Variants in TTC3 observed in about 807,000 individuals in gnomAD.
The protein encoded by TTC3 is tetratricopeptide repeat domain 3.
TTC3 carries 180 observed loss-of-function variants against 249.6 expected under a neutral mutation model. That is an observed-to-expected ratio of 0.72 (90% confidence interval 0.64 to 0.82). The LOEUF is 0.82. Among genes scored for constraint, TTC3 ranks in the 40% least tolerant of loss-of-function variants. The pLI, the probability that TTC3 is intolerant of heterozygous loss-of-function variation, is 0.00. For missense variants in TTC3, 2,061 were observed against 2,398.4 expected (o/e 0.86, Z 2.94); for synonymous variants, 717 against 805.0 (o/e 0.89, Z 1.85).
intron 35 of TTC3, among the ~76,000 whole-genome samples, chr21:37,181,105 C>G (rs944013484): frequency 1.3e-5 from 2 of 152,182 alleles, no homozygotes; most frequent in Admixed American, 1.3e-4. Context: ...TGATAGCTGA[C>G]CTGTTTAGCA....
At chr21:37,199,124 C>T (rs182959896) in intron 44 of TTC3, among the ~76,000 whole-genome samples, 322 of 152,284 alleles carry the variant, frequency 2.1e-3, no homozygotes, top group Non-Finnish European at 3.7e-3. Flanking sequence ...TGGGCCGAGT[C>T]ATGCCTTGGG....
At chr21:37,154,295 T>C (rs1341450594) in intron 27 of TTC3, among the ~76,000 whole-genome samples, 1 of 152,224 alleles carries the variant, frequency 6.6e-6, no homozygotes, top group Non-Finnish European at 1.5e-5. Flanking sequence ...TCTGAATGTT[T>C]AGAAACGTGG....
At chr21:37,176,139 A>C (rs750880056) in intron 35 of TTC3, among the ~76,000 whole-genome samples, 3 of 152,212 alleles carry the variant, frequency 2.0e-5, no homozygotes, top group African/African-American at 7.2e-5. Context: ...ATTGTACCCT[A>C]ACCTATGACT....
At chr21:37,136,251 C>T (rs1240636662) in intron 18 of TTC3, among the ~76,000 whole-genome samples, 3 of 152,084 alleles carry the variant, frequency 2.0e-5, no homozygotes, top group East Asian at 3.9e-4. Context: ...AAGAGTTGCA[C>T]GTCTCTCACT....
In TTC3 at chr21:37,197,715, C is replaced by A. The variant is rs762282070; in HGVS notation, c.5706+19C>A. 9.7e-6 allele frequency: 15 copies of A among 1,552,362 alleles called. No homozygotes were observed. The South Asian group carries it at 1.8e-4, about 19-fold the overall frequency. On this transcript the variant is annotated intron_variant, in intron 43 of 45. Transcript: ENST00000355666. ...GAAAAAGGTATTTTATCTAGATGTT[C>A]CAGTTTATCCTTATTTATTTATAAA...
At chr21:37,176,601 T>A (rs1156524041) in intron 35 of TTC3, among the ~76,000 whole-genome samples, 4 of 152,236 alleles carry the variant, frequency 2.6e-5, no homozygotes, top group Non-Finnish European at 5.9e-5. Flanking sequence ...TCATGGGTCC[T>A]TGTCAAGTTC....
chr21:37,094,274 A>G (rs1010593568), intron 8 of TTC3, among the ~76,000 whole-genome samples, 184 bp downstream of exon 8: 13 of 152,206 alleles, frequency 8.5e-5, no homozygotes, highest in African/African-American at 3.1e-4. Context: ...TGAAAGTGAA[A>G]ATTTGGTTTT....
chr21:37,123,134 T>A, intron 13 of TTC3, 106 bp downstream of exon 13: 1 of 1,182,042 alleles, frequency 8.5e-7, no homozygotes, highest in Non-Finnish European at 1.3e-6. Flanking sequence ...GCAACCACAG[T>A]AAAGTTGGAG....
At chr21:37,201,515 CCTT>C (rs769095729) in exon 46 of TTC3, 25 of 1,614,012 alleles carry the variant, frequency 1.5e-5, no homozygotes, top group Non-Finnish European at 2.1e-5. Flanking sequence ...AGAAGAGTCA[CCTT>C]CTGGAAGAGG....
At chr21:37,142,973 C>A (rs1007854457) in intron 20 of TTC3, among the ~76,000 whole-genome samples, 3 of 152,174 alleles carry the variant, frequency 2.0e-5, no homozygotes, top group Non-Finnish European at 4.4e-5. Flanking sequence ...TTTGACAAAC[C>A]TGACAAAAAC....
chr21:37,077,556 C>T (rs2071070784), intron 1 of TTC3, among the ~76,000 whole-genome samples: 1 of 152,168 alleles, frequency 6.6e-6, no homozygotes, highest in Admixed American at 6.5e-5. Flanking sequence ...CTTTGATCAA[C>T]AGTGTGTAAG....
At chr21:37,149,741 C>T (rs1315223917) in intron 23 of TTC3, among the ~76,000 whole-genome samples, 2 of 152,116 alleles carry the variant, frequency 1.3e-5, no homozygotes, top group East Asian at 3.9e-4. Context: ...GAAGAATGAC[C>T]CTTTTCTGGA....
At chr21:37,095,172 G>C (rs1458901062) in intron 8 of TTC3, among the ~76,000 whole-genome samples, 178 bp from the exon 9 acceptor site, 1 of 88,728 alleles carries the variant, frequency 1.1e-5, no homozygotes, top group African/African-American at 3.3e-5. Context: ...TGTATAGTGG[G>C]TGTGTATATA....
chr21:37,159,461 C>T (rs1340145070), intron 28 of TTC3: 2 of 497,380 alleles, frequency 4.0e-6, no homozygotes, highest in African/African-American at 2.0e-5. Flanking sequence ...TAGATGGTAC[C>T]TAGAAGGCAC....
intron 39 of TTC3, 91 bp from the exon 40 acceptor site, chr21:37,191,243 G>A: frequency 1.2e-6 from 1 of 844,146 alleles, no homozygotes; most frequent in Non-Finnish European, 1.8e-6. Flanking sequence ...TATGTTAAAT[G>A]TCTCTTTTGC....
At chr21:37,108,577 G>C in intron 11 of TTC3, 131 bp downstream of exon 11, 26 of 848,650 alleles carry the variant, frequency 3.1e-5, no homozygotes, top group Non-Finnish European at 3.4e-5. Context: ...TGAAAGGGGA[G>C]TCATCAGATC....
At chr21:37,140,720 TA>T (rs750979636) in intron 20 of TTC3, 47 bp downstream of exon 20, 1 of 1,276,690 alleles carries the variant, frequency 7.8e-7, no homozygotes, top group South Asian at 1.3e-5. Flanking sequence ...GTAACTCATT[TA>T]AAATCCAATG....
At chr21:37,191,836 G>A (rs1347635151) in intron 40 of TTC3, among the ~76,000 whole-genome samples, 4 of 152,110 alleles carry the variant, frequency 2.6e-5, no homozygotes, top group East Asian at 1.9e-4. Context: ...TGATCTGCCC[G>A]CTTCGGCCTC....
At chr21:37,113,295 G>A (rs533595405) in intron 11 of TTC3, among the ~76,000 whole-genome samples, 11 of 152,154 alleles carry the variant, frequency 7.2e-5, no homozygotes, top group South Asian at 2.1e-4. Context: ...AAACCCCATC[G>A]TCTCAGCCCA....
Sources: gnomAD v4.1 joint callset for allele counts (sites outside exome capture counted in the v4.1 genomes callset) on GRCh38, gnomAD v4.1.1 for gene constraint, MANE v1.5 for transcripts, NCBI Gene and HGNC (gene_info 2026-07-23, HGNC 2026-07-21) for gene names.